Variants in ADGRL3 observed in about 807,000 individuals in gnomAD.
The protein encoded by ADGRL3 is calcium-independent alpha-latrotoxin receptor 3.
In ADGRL3, 62 loss-of-function variants were observed where a neutral mutation model predicts 153.5. The ratio of observed to expected loss-of-function variants is 0.40; its 90% confidence interval spans 0.33 to 0.50. The LOEUF (loss-of-function observed/expected upper bound fraction) is 0.50, where lower values mean the gene tolerates loss of function less well. Ranked by LOEUF, ADGRL3 falls within the 20% of genes least tolerant of loss-of-function variation. ADGRL3 has a pLI of 0.47. For synonymous variants in ADGRL3, 710 were observed against 672.5 expected (o/e 1.06, Z -0.86); for missense variants, 1,641 against 1,859.4 (o/e 0.88, Z 2.16).
rs2151935297 is a variant in ADGRL3 at position 62,070,791 on chromosome 4, T to C, written c.4515T>C (p.His1505=). ...CCAGAAACCACGTCCATCAGCTGCA[T>C]ACTTACTACCAGCTAGGTCGCGGCA... The part of the protein sequence containing the change: ...LGSRNHVHQL[H]TYYQLGRGSS... Residue 1505 remains histidine (H), a synonymous_variant, in exon 27 of 27, where the codon CAT becomes CAC. Coordinates refer to ENST00000683033, the MANE Select transcript of ADGRL3 (RefSeq NM_001387552.1). 6.4e-7 allele frequency: 1 copy of C among 1,551,700 alleles called. No individual in the cohort carries two copies. Among genetic ancestry groups the C allele is most frequent in the South Asian group, 1.2e-5 (1 of 84,060 alleles).
At chr4:61,697,568 A>AG (rs397738167) in intron 6 of ADGRL3, among the ~76,000 whole-genome samples, 1 of 151,438 alleles carries the variant, frequency 6.6e-6, no homozygotes, top group Non-Finnish European at 1.5e-5. Context: ...AAAAAAAAAA[A>AG]GAAAGAAATA....
At position 61,934,829 on chromosome 4, in the gene ADGRL3, T is replaced by A; in HGVS notation, c.2113-11T>A. 1 of 1,610,986 alleles carries A rather than the reference T, an allele frequency of 6.2e-7. No individual in the cohort carries two copies. Among genetic ancestry groups the A allele is most frequent in the Non-Finnish European group, 8.5e-7 (1 of 1,178,014 alleles). ...CTAGAGACCTCTGTCATTCTTTTCA[T>A]CCTCTTGTAGGCAATGGTCGAGACA... On this transcript the variant is annotated splice_polypyrimidine_tract_variant and intron_variant, in intron 13 of 26. Transcript: ENST00000683033.
Position 61,673,879 on chromosome 4 carries a change from T to C in ADGRL3, c.474-2947T>C, listed in dbSNP as rs190667931. On this transcript the variant is annotated intron_variant, in intron 5 of 26. Transcript: ENST00000683033. The stretch of plus-strand genomic sequence containing the variant: ...AGGTGAATGTTATAAATTACTGCTG[T>C]TTTATATAGAACAATGATGATAATA... Among the ~76,000 whole-genome samples the C allele has an allele frequency of 2.0e-5, 3 of 151,286 alleles. No individual in the cohort carries two copies. The East Asian group carries it at 5.8e-4, about 29-fold the overall frequency.
At chr4:61,366,571 C>T (rs1048241672) in intron 1 of ADGRL3, among the ~76,000 whole-genome samples, 2 of 152,128 alleles carry the variant, frequency 1.3e-5, no homozygotes, top group Non-Finnish European at 2.9e-5. Context: ...AGTTGTGGAT[C>T]CTAAATTGGC....
At chr4:62,052,203 G>C (rs2151769179) in intron 25 of ADGRL3, among the ~76,000 whole-genome samples, 1 of 151,534 alleles carries the variant, frequency 6.6e-6, no homozygotes, top group Non-Finnish European at 1.5e-5. Context: ...CCCTATACAG[G>C]ATAACAAAAA....
chr4:61,706,005 C>T (rs1367511678), intron 6 of ADGRL3, among the ~76,000 whole-genome samples: 2 of 152,110 alleles, frequency 1.3e-5, no homozygotes, highest in African/African-American at 2.4e-5. Context: ...TAAGCATTGG[C>T]TTCAACTTAA....
chr4:61,230,612 T>C (rs1431610246), intron 1 of ADGRL3, among the ~76,000 whole-genome samples: 1 of 151,882 alleles, frequency 6.6e-6, no homozygotes, highest in Non-Finnish European at 1.5e-5. Flanking sequence ...TCTTGAACTC[T>C]GGCCTCAAGT....
Position 61,518,034 on chromosome 4 carries a change from G to A in ADGRL3, c.259+516G>A, listed in dbSNP as rs148389709. Among the ~76,000 whole-genome samples the A allele has an allele frequency of 6.1e-3, 930 of 152,212 alleles. 13 individuals carry two copies. Among genetic ancestry groups the A allele is most frequent in the African/African-American group, 0.021 (880 of 41,514 alleles). On this transcript the variant is annotated intron_variant, in intron 4 of 26. Transcript: ENST00000683033. Reference sequence around the variant, plus strand: ...AACCTAATTTTCTTATGAAAATGGCGGAACATTCTTCCTATAATATTGCCT... The same window carrying A: ...AACCTAATTTTCTTATGAAAATGGCAGAACATTCTTCCTATAATATTGCCT...
At chr4:61,515,343 G>A (rs2098486481) in intron 3 of ADGRL3, among the ~76,000 whole-genome samples, 1 of 151,942 alleles carries the variant, frequency 6.6e-6, no homozygotes, top group African/African-American at 2.4e-5. Flanking sequence ...TTTATATTTT[G>A]TCTCCATATC....
chr4:62,073,004 A>C lies in ADGRL3; in HGVS notation c.*2096A>C, dbSNP rs1302250158. 3 of 152,182 alleles carry C rather than the reference A, an allele frequency of 2.0e-5. No individual in the cohort carries two copies. The highest frequency in any genetic ancestry group is 2.9e-5 in the Non-Finnish European group (2 of 68,006). 9.4% of individuals were successfully genotyped at this position (152,182 alleles called of 1,614,324 possible). A position where few individuals can be genotyped will look rare whatever the true frequency, so the allele number is the denominator to read the frequency against. ...TTCAAAGAAACTTTCTAGATCTCTC[A>C]TTACTGCAGATCCTTTATAGCAGTG... is the stretch of plus-strand genomic sequence containing the variant. On this transcript the variant is annotated 3_prime_UTR_variant, in exon 27 of 27. Coordinates refer to ENST00000683033, the MANE Select transcript of ADGRL3 (RefSeq NM_001387552.1).
intron 1 of ADGRL3, among the ~76,000 whole-genome samples, chr4:61,286,531 G>T (rs537719776): frequency 1.3e-5 from 2 of 151,706 alleles, no homozygotes; most frequent in South Asian, 4.2e-4. Context: ...TACATGAGAA[G>T]ATAAATTCAG....
At chr4:61,626,133 C>CA (rs139960985) in intron 5 of ADGRL3, among the ~76,000 whole-genome samples, 69 of 148,402 alleles carry the variant, frequency 4.6e-4, no homozygotes, top group South Asian at 1.9e-3. Context: ...TTAAAATCTA[C>CA]AAAAAAAAAA....
intron 1 of ADGRL3, among the ~76,000 whole-genome samples, chr4:61,269,926 C>A (rs1304124443): frequency 6.6e-6 from 1 of 151,476 alleles, no homozygotes; most frequent in African/African-American, 2.4e-5. Context: ...AACTTGAGAC[C>A]AAGAGAAATT....
intron 9 of ADGRL3, among the ~76,000 whole-genome samples, chr4:61,830,303 G>A (rs1302076028): frequency 5.3e-5 from 8 of 152,162 alleles, no homozygotes; most frequent in African/African-American, 1.4e-4. Context: ...AAGGTGAGCT[G>A]CAGTGAGCTA....
At chr4:62,041,477 T>C (rs1377508363) in intron 24 of ADGRL3, among the ~76,000 whole-genome samples, 3 of 152,116 alleles carry the variant, frequency 2.0e-5, no homozygotes, top group African/African-American at 7.2e-5. Context: ...GTATATGAAA[T>C]ATTGAAACAT....
chr4:61,671,284 A>G (rs2094985265), intron 5 of ADGRL3, among the ~76,000 whole-genome samples: 1 of 152,220 alleles, frequency 6.6e-6, no homozygotes, highest in African/African-American at 2.4e-5. Context: ...TTACACTGCA[A>G]TGAACCATGT....
At chr4:61,699,325 AAAT>A (rs2095704685) in intron 6 of ADGRL3, among the ~76,000 whole-genome samples, 1 of 152,304 alleles carries the variant, frequency 6.6e-6, no homozygotes, top group South Asian at 2.1e-4. Context: ...TTTTTTTAAA[AAAT>A]AATATTTCTT....
At chr4:61,767,214 A>G (rs533162475) in intron 8 of ADGRL3, among the ~76,000 whole-genome samples, 8 of 152,156 alleles carry the variant, frequency 5.3e-5, no homozygotes, top group East Asian at 1.9e-4. Context: ...GCAATGAGAT[A>G]TAGCTGTAGT....
intron 8 of ADGRL3, among the ~76,000 whole-genome samples, chr4:61,767,711 G>T (rs893185343): frequency 6.6e-6 from 1 of 152,134 alleles, no homozygotes; most frequent in Non-Finnish European, 1.5e-5. Flanking sequence ...CCTGGGCTGC[G>T]GGTGTTCCTT....
Sources: allele counts gnomAD v4.1 joint callset (sites outside exome capture counted in the v4.1 genomes callset), GRCh38; gene constraint gnomAD v4.1.1; transcripts MANE v1.5; gene names NCBI Gene and HGNC (gene_info 2026-07-23, HGNC 2026-07-21).